HS6ST3: variants seen among roughly 807,000 people sequenced by gnomAD.
HS6ST3 encodes heparan sulfate 6-O-sulfotransferase 3.
HS6ST3 carries 12 observed loss-of-function variants against 36.7 expected under a neutral mutation model. The ratio of observed to expected loss-of-function variants is 0.33; its 90% CI spans 0.21 to 0.53. HS6ST3 has a LOEUF of 0.53. Among genes scored for constraint, HS6ST3 ranks in the 20% least tolerant of loss-of-function variants. The probability of loss-of-function intolerance (pLI) is 0.95; values close to 1 mark genes in which losing one functional copy is unlikely to be tolerated. For synonymous variants in HS6ST3, 240 were observed against 257.5 expected (o/e 0.93, Z 0.65); for missense variants, 584 against 640.9 (o/e 0.91, Z 0.96).
intron 1 of HS6ST3, among the ~76,000 whole-genome samples, chr13:96,379,042 C>T (rs1314055511): frequency 6.6e-6 from 1 of 152,112 alleles, no homozygotes; most frequent in Non-Finnish European, 1.5e-5. Flanking sequence ...CATATCGAGC[C>T]TCCTAAATGT....
intron 1 of HS6ST3, among the ~76,000 whole-genome samples, chr13:96,780,944 G>T (rs932753013): frequency 2.0e-5 from 3 of 151,432 alleles, no homozygotes; most frequent in African/African-American, 7.3e-5. Flanking sequence ...AGCATCTCAG[G>T]CCTATTAAGA....
chr13:96,181,094 T>A (rs1304806308), intron 1 of HS6ST3, among the ~76,000 whole-genome samples: 2 of 152,214 alleles, frequency 1.3e-5, no homozygotes, highest in Non-Finnish European at 2.9e-5. Context: ...CTAATTTAAG[T>A]TGTTCAATTT....
At chr13:96,416,728 T>C (rs1014181062) in intron 1 of HS6ST3, among the ~76,000 whole-genome samples, 1 of 151,942 alleles carries the variant, frequency 6.6e-6, no homozygotes, top group African/African-American at 2.4e-5. Flanking sequence ...GCCTGCTTGC[T>C]TATCAGCAGA....
chr13:96,203,613 C>T (rs1388231195), intron 1 of HS6ST3, among the ~76,000 whole-genome samples: 1 of 152,212 alleles, frequency 6.6e-6, no homozygotes, highest in Non-Finnish European at 1.5e-5. Context: ...GAGCCTCACA[C>T]CCCCTTCTTA....
intron 1 of HS6ST3, among the ~76,000 whole-genome samples, chr13:96,163,892 A>G (rs1224981246): frequency 6.6e-6 from 1 of 152,154 alleles, no homozygotes; most frequent in East Asian, 1.9e-4. Context: ...AAGACTTTAG[A>G]TATATTACTC....
At chr13:96,139,567 A>AAAAAAAAAT (rs1491242538) in intron 1 of HS6ST3, among the ~76,000 whole-genome samples, 2 of 138,752 alleles carry the variant, frequency 1.4e-5, no homozygotes, top group African/African-American at 5.6e-5. Context: ...AAAAAAAAAA[A>AAAAAAAAAT]TCCATGTATA....
At chr13:96,289,693 GA>G (rs2054820283) in intron 1 of HS6ST3, among the ~76,000 whole-genome samples, 5 of 152,304 alleles carry the variant, frequency 3.3e-5, no homozygotes, top group Admixed American at 3.3e-4. Flanking sequence ...AGCTATTAAA[GA>G]AAACACTTTT....
At chr13:96,148,026 C>A (rs942669473) in intron 1 of HS6ST3, among the ~76,000 whole-genome samples, 13 of 152,028 alleles carry the variant, frequency 8.6e-5, no homozygotes, top group African/African-American at 3.1e-4. Context: ...CACTGATGAC[C>A]CAAAAATTGG....
At chr13:96,266,117 A>T (rs888818153) in intron 1 of HS6ST3, among the ~76,000 whole-genome samples, 1 of 152,154 alleles carries the variant, frequency 6.6e-6, no homozygotes, top group African/African-American at 2.4e-5. Flanking sequence ...GTTTTAGTCT[A>T]GTCTGAATTT....
intron 1 of HS6ST3, among the ~76,000 whole-genome samples, chr13:96,310,590 T>G (rs546803591): frequency 6.6e-6 from 1 of 152,130 alleles, no homozygotes; most frequent in Non-Finnish European, 1.5e-5. Flanking sequence ...TCTCTTTCTA[T>G]CTCTGTCTCC....
intron 1 of HS6ST3, among the ~76,000 whole-genome samples, chr13:96,225,458 TCTTA>T (rs1437765851): frequency 3.3e-5 from 5 of 152,232 alleles, no homozygotes; most frequent in African/African-American, 1.2e-4. Flanking sequence ...GGCATAATCA[TCTTA>T]CTTTGGAATA....
intron 1 of HS6ST3, among the ~76,000 whole-genome samples, chr13:96,357,957 C>A (rs1458865257): frequency 6.6e-6 from 1 of 152,122 alleles, no homozygotes; most frequent in Admixed American, 6.6e-5. Flanking sequence ...GAATTTCTAA[C>A]ATGTGACACA....
chr13:96,673,625 G>A (rs185654199), intron 1 of HS6ST3, among the ~76,000 whole-genome samples: 14 of 152,054 alleles, frequency 9.2e-5, no homozygotes, highest in Admixed American at 5.2e-4. Context: ...GTCAGTTGTC[G>A]TTTTTCCTGG....
intron 1 of HS6ST3, among the ~76,000 whole-genome samples, chr13:96,111,862 A>G (rs2053869813): frequency 6.6e-6 from 1 of 152,232 alleles, no homozygotes; most frequent in Admixed American, 6.5e-5. Context: ...GGCTTGAATG[A>G]ATAGACAAAT....
intron 1 of HS6ST3, among the ~76,000 whole-genome samples, chr13:96,745,660 G>A (rs916202317): frequency 3.3e-5 from 5 of 151,948 alleles, no homozygotes; most frequent in Non-Finnish European, 7.4e-5. Context: ...TTCCAGGATG[G>A]GTCAATTACA....
At chr13:96,605,659 T>C (rs2056436069) in intron 1 of HS6ST3, among the ~76,000 whole-genome samples, 1 of 152,084 alleles carries the variant, frequency 6.6e-6, no homozygotes, top group Non-Finnish European at 1.5e-5. Context: ...TCATTAAAAC[T>C]TAAAGACCAA....
intron 1 of HS6ST3, among the ~76,000 whole-genome samples, chr13:96,344,087 A>T (rs1019483968): frequency 2.0e-5 from 3 of 152,060 alleles, no homozygotes; most frequent in Non-Finnish European, 4.4e-5. Context: ...TATTTATTTT[A>T]ACCTTATTTA....
chr13:96,765,824 G>A (rs1390804318), intron 1 of HS6ST3, among the ~76,000 whole-genome samples: 1 of 152,044 alleles, frequency 6.6e-6, no homozygotes, highest in African/African-American at 2.4e-5. Flanking sequence ...TATGAAACAG[G>A]TCTCAGAAAG....
intron 1 of HS6ST3, among the ~76,000 whole-genome samples, chr13:96,432,438 A>G (rs966407561): frequency 2.6e-5 from 4 of 152,142 alleles, no homozygotes; most frequent in African/African-American, 7.2e-5. Context: ...CTTTTCTAGT[A>G]TATTGTTAAT....
Sources: gnomAD v4.1 joint callset for allele counts (sites outside exome capture counted in the v4.1 genomes callset) on GRCh38, gnomAD v4.1.1 for gene constraint, MANE v1.5 for transcripts, NCBI Gene and HGNC (gene_info 2026-07-23, HGNC 2026-07-21) for gene names.